SMYD3: variants seen among roughly 807,000 people sequenced by gnomAD.
The protein encoded by SMYD3 is histone-lysine N-methyltransferase SMYD3.
SMYD3 carries 36 observed loss-of-function variants against 57.7 expected under a neutral mutation model. The ratio of observed to expected loss-of-function variants is 0.62; its 90% CI spans 0.48 to 0.82. The LOEUF is 0.82. SMYD3 is among the 40% of genes least tolerant of loss of function. SMYD3 has a pLI of 0.00. For missense variants in SMYD3, 515 were observed against 538.8 expected (o/e 0.96, Z 0.44); for synonymous variants, 211 against 195.0 (o/e 1.08, Z -0.68).
intron 8 of SMYD3, among the ~76,000 whole-genome samples, chr1:245,889,815 A>G (rs956271890): frequency 6.6e-6 from 1 of 152,222 alleles, no homozygotes; most frequent in Non-Finnish European, 1.5e-5. Context: ...AACTGAAGGA[A>G]TCACATTACC....
At chr1:246,237,263 A>C (rs954649661) in intron 5 of SMYD3, among the ~76,000 whole-genome samples, 2 of 152,166 alleles carry the variant, frequency 1.3e-5, no homozygotes, top group African/African-American at 4.8e-5. Context: ...CCTGCTGCTC[A>C]AGGCTTTTCT....
At chr1:246,312,226 C>T (rs1265617842) in intron 5 of SMYD3, among the ~76,000 whole-genome samples, 1 of 152,060 alleles carries the variant, frequency 6.6e-6, no homozygotes, top group Non-Finnish European at 1.5e-5. Context: ...TGATTTCATA[C>T]AAAGGCAGTA....
chr1:246,112,920 G>A (rs1037145622), intron 5 of SMYD3, among the ~76,000 whole-genome samples: 18 of 152,184 alleles, frequency 1.2e-4, no homozygotes, highest in Non-Finnish European at 2.2e-4. Context: ...AGTGGCTCAC[G>A]CCTGTAATCC....
Position 246,172,607 on chromosome 1 carries a change from CT to C in SMYD3, c.531+154593del, listed in dbSNP as rs1445254869. ...TACTCTACTGTAGACTTTATCAACA[CT>C]ACACACTTAGGCTACACAGGCCTAG... On this transcript the variant is annotated intron_variant, in intron 5 of 11. Transcript: ENST00000490107. 4.0e-5 allele frequency among the ~76,000 whole-genome samples: 6 copies of C among 150,954 alleles called. No homozygotes were observed. In the East Asian group the frequency reaches 1.2e-3, roughly 30 times the overall value.
At chr1:246,457,308 A>C in intron 1 of SMYD3, among the ~76,000 whole-genome samples, 1 of 152,038 alleles carries the variant, frequency 6.6e-6, no homozygotes, top group East Asian at 1.9e-4. Context: ...TTAGAAAATA[A>C]GGTCCATGAG....
At chr1:246,048,592 T>C (rs2060010084) in intron 5 of SMYD3, among the ~76,000 whole-genome samples, 1 of 152,084 alleles carries the variant, frequency 6.6e-6, no homozygotes, top group Non-Finnish European at 1.5e-5. Flanking sequence ...TAGTATACAG[T>C]AGTAAGGGCT....
intron 5 of SMYD3, among the ~76,000 whole-genome samples, chr1:246,050,505 G>T (rs2060048653): frequency 6.6e-6 from 1 of 152,174 alleles, no homozygotes; most frequent in Non-Finnish European, 1.5e-5. Flanking sequence ...GAAAGCCAAG[G>T]TATATAAATG....
At chr1:246,140,311 C>G (rs1417877499) in intron 5 of SMYD3, among the ~76,000 whole-genome samples, 1 of 152,170 alleles carries the variant, frequency 6.6e-6, no homozygotes, top group Non-Finnish European at 1.5e-5. Context: ...AGCCTATTTC[C>G]TCCTCTGGAA....
intron 5 of SMYD3, among the ~76,000 whole-genome samples, chr1:246,214,354 G>A (rs918130561): frequency 6.6e-6 from 1 of 152,122 alleles, no homozygotes; most frequent in African/African-American, 2.4e-5. Context: ...TGTACTCTGT[G>A]CTGGAATGGT....
rs1350372451 is a variant in SMYD3 at position 246,506,994 on chromosome 1, CCCCT to C, written c.164+56_164+59del. The C allele has an allele frequency of 1.1e-3, 998 of 891,066 alleles. 14 individuals are homozygous for C. Among genetic ancestry groups the C allele is most frequent in the Non-Finnish European group, 1.3e-3 (843 of 664,932 alleles). The allele number at this position is 891,066 out of a possible 1,614,324, so 55.2% of individuals were successfully genotyped here. A position where few individuals can be genotyped will look rare whatever the true frequency, so the allele number is the denominator to read the frequency against. The stretch of plus-strand genomic sequence containing the variant: ...GCGGCTGCCGGCCGCCCGACGCCCC[CCCCT>C]CCCCAGCACCCCACACAGCTCGCGA... On this transcript the variant is annotated intron_variant, in intron 1 of 11. Transcript: ENST00000490107.
At chr1:246,092,572 C>A (rs1450519187) in intron 5 of SMYD3, among the ~76,000 whole-genome samples, 2 of 152,074 alleles carry the variant, frequency 1.3e-5, no homozygotes, top group Admixed American at 6.6e-5. Context: ...TAGAAGAATG[C>A]AAGTAGACCC....
At chr1:246,181,733 G>A (rs1404051710) in intron 5 of SMYD3, among the ~76,000 whole-genome samples, 1 of 152,202 alleles carries the variant, frequency 6.6e-6, no homozygotes, top group Non-Finnish European at 1.5e-5. Context: ...AGAGGATGAA[G>A]GATGTCCATC....
At chr1:246,081,196 C>T (rs528016146) in intron 5 of SMYD3, among the ~76,000 whole-genome samples, 4 of 152,102 alleles carry the variant, frequency 2.6e-5, no homozygotes, top group Non-Finnish European at 5.9e-5. Context: ...AATCTAAAGT[C>T]AAAATCTAAA....
intron 1 of SMYD3, among the ~76,000 whole-genome samples, chr1:246,411,302 A>G (rs944008325): frequency 1.3e-5 from 2 of 152,158 alleles, no homozygotes; most frequent in African/African-American, 4.8e-5. Context: ...TTAGAATGGC[A>G]ATCATTAAAA....
intron 10 of SMYD3, among the ~76,000 whole-genome samples, chr1:245,790,238 C>G (rs1161426956): frequency 6.6e-6 from 1 of 152,094 alleles, no homozygotes; most frequent in African/African-American, 2.4e-5. Context: ...TGGAAAACCC[C>G]CAGGGGCACA....
intron 8 of SMYD3, among the ~76,000 whole-genome samples, chr1:245,878,052 A>C (rs1241697675): frequency 1.3e-5 from 2 of 148,212 alleles, no homozygotes; most frequent in East Asian, 3.9e-4. Flanking sequence ...GTGGAACTCA[A>C]CAATGGCATC....
intron 10 of SMYD3, among the ~76,000 whole-genome samples, chr1:245,816,499 A>G (rs1480816913): frequency 7.7e-6 from 1 of 129,242 alleles, no homozygotes; most frequent in Admixed American, 9.3e-5. Context: ...CTATTATGAG[A>G]GGTCCCCTTC....
chr1:246,483,688 A>G (rs1274532635), intron 1 of SMYD3: 1 of 152,122 alleles, frequency 6.6e-6, no homozygotes, highest in Non-Finnish European at 1.5e-5. Flanking sequence ...TTAAAAGAGA[A>G]GAGCTATGAA....
intron 5 of SMYD3, among the ~76,000 whole-genome samples, chr1:246,247,597 T>C (rs1572274682): frequency 6.6e-6 from 1 of 151,486 alleles, no homozygotes; most frequent in East Asian, 2.0e-4. Flanking sequence ...CTTCTCTTTT[T>C]TCCGCACTCT....
Sources: gnomAD v4.1 joint callset for allele counts (sites outside exome capture counted in the v4.1 genomes callset) on GRCh38, gnomAD v4.1.1 for gene constraint, MANE v1.5 for transcripts, NCBI Gene and HGNC (gene_info 2026-07-23, HGNC 2026-07-21) for gene names.